Variants in GALK2 observed in about 807,000 individuals in gnomAD.
GALK2 encodes galactokinase 2.
Under a neutral mutation model 52.4 loss-of-function variants are expected in GALK2, and 36 were observed. The ratio of observed to expected loss-of-function variants is 0.69; its 90% CI spans 0.53 to 0.91. The LOEUF is 0.91. Among genes scored for constraint, GALK2 ranks in the 40% least tolerant of loss-of-function variants. GALK2 has a pLI of 0.00. For missense variants in GALK2, 579 were observed against 559.1 expected (o/e 1.04, Z -0.36); for synonymous variants, 176 against 199.1 (o/e 0.88, Z 0.98).
intron 3 of GALK2, among the ~76,000 whole-genome samples, chr15:49,350,464 A>C (rs1233355073): frequency 6.6e-6 from 1 of 152,118 alleles, no homozygotes; most frequent in Non-Finnish European, 1.5e-5. Context: ...ACTGGATCAC[A>C]TACTAATTCT....
In GALK2 at chr15:49,328,457, T is replaced by G; in HGVS notation, c.*298T>G. 4 of 1,507,876 alleles carry G rather than the reference T, an allele frequency of 2.7e-6. No individual in the cohort carries two copies. Among genetic ancestry groups the G allele is most frequent in the Non-Finnish European group, 3.5e-6 (4 of 1,129,164 alleles). The allele number at this position is 1,507,876 out of a possible 1,614,324, so 93.4% of individuals were successfully genotyped here. A position where few individuals can be genotyped will look rare whatever the true frequency, so the allele number is the denominator to read the frequency against. ...TTTAAAGATGAATGGTAAAACACAC[T>G]CTTAATACTGATTACATGGATTGGA... On this transcript the variant is annotated 3_prime_UTR_variant, in exon 10 of 10. Transcript: ENST00000560031.
At chr15:49,245,599 A>G (rs1201784871) in intron 5 of GALK2, among the ~76,000 whole-genome samples, 2 of 152,164 alleles carry the variant, frequency 1.3e-5, no homozygotes, top group East Asian at 1.9e-4. Flanking sequence ...GACCAAATCA[A>G]TGGCCTAGGG....
intron 8 of GALK2, among the ~76,000 whole-genome samples, chr15:49,293,370 C>T (rs778887441): frequency 1.3e-5 from 2 of 152,224 alleles, no homozygotes; most frequent in African/African-American, 2.4e-5. Context: ...CTAACACTGT[C>T]GATCCAATTT....
At position 49,265,050 on chromosome 15, in the gene GALK2, C is replaced by G. The variant is rs540536882; in HGVS notation, c.505-16937C>G. 1.2e-4 allele frequency among the ~76,000 whole-genome samples: 19 copies of G among 152,310 alleles called. No homozygotes were observed. In the East Asian group the frequency reaches 1.9e-3, roughly 15 times the overall value. On this transcript the variant is annotated intron_variant, in intron 5 of 9. Coordinates refer to ENST00000560031, the MANE Select transcript of GALK2 (RefSeq NM_002044.4). ...TCAGGGACCCACTTGAGGAGGCAGT[C>G]TGCCCATTCTCAGATCTCCAGCTGC...
chr15:49,263,973 C>T (rs1157103927), intron 5 of GALK2, among the ~76,000 whole-genome samples: 1 of 151,842 alleles, frequency 6.6e-6, no homozygotes, highest in Non-Finnish European at 1.5e-5. Flanking sequence ...TTGAGGGTAA[C>T]CCGACCTTTC....
chr15:49,334,295 ATAAAGT>A (rs753452739), downstream of GALK2: 1,001 of 957,214 alleles, frequency 1.0e-3, 1 homozygote, highest in South Asian at 1.3e-3. Context: ...GCTTTTCCCT[ATAAAGT>A]TAAAGTTTGA....
At position 49,297,835 on chromosome 15, in the gene GALK2, G is replaced by A. The variant is rs190451838; in HGVS notation, c.967+5298G>A. Among the ~76,000 whole-genome samples the A allele has an allele frequency of 2.5e-3, 383 of 152,210 alleles. 5 individuals carry two copies. Among genetic ancestry groups the A allele is most frequent in the African/African-American group, 8.7e-3 (361 of 41,550 alleles). On this transcript the variant is annotated intron_variant, in intron 8 of 9. Transcript: ENST00000560031. Reference sequence around the variant, plus strand: ...TTGGTTACTGTAGCCTTGTAGTATAGTTTAAAGTTGGGTGGTATAATGGCT... The same window carrying A: ...TTGGTTACTGTAGCCTTGTAGTATAATTTAAAGTTGGGTGGTATAATGGCT...
intron 5 of GALK2, among the ~76,000 whole-genome samples, chr15:49,255,723 G>A (rs1233087281): frequency 6.6e-6 from 1 of 152,022 alleles, no homozygotes; most frequent in Non-Finnish European, 1.5e-5. Context: ...CTTTATAAAG[G>A]TGGAGTTTTT....
upstream of GALK2, among the ~76,000 whole-genome samples, chr15:49,169,767 A>G (rs2084946455): frequency 6.6e-6 from 1 of 152,206 alleles, no homozygotes; most frequent in African/African-American, 2.4e-5. Context: ...ATGCAAATCT[A>G]TTTAAATCAA....
At chr15:49,263,354 G>C (rs1421857696) in intron 5 of GALK2, among the ~76,000 whole-genome samples, 5 of 107,044 alleles carry the variant, frequency 4.7e-5, no homozygotes, top group Non-Finnish European at 9.6e-5. Context: ...GATCTTTGTT[G>C]GTTTAAAGTC....
chr15:49,337,823 T>A (rs753278507), intron 3 of GALK2, among the ~76,000 whole-genome samples: 18 of 152,188 alleles, frequency 1.2e-4, no homozygotes, highest in Non-Finnish European at 2.2e-4. Flanking sequence ...TCCAGCTTCA[T>A]CCATGTCCCT....
In GALK2 at chr15:49,193,336, G is replaced by C. The variant is rs114278659; in HGVS notation, c.54-7826G>C. Among the ~76,000 whole-genome samples the C allele has an allele frequency of 5.9e-3, 891 of 151,000 alleles. 15 individuals carry two copies. Among genetic ancestry groups the C allele is most frequent in the African/African-American group, 0.021 (858 of 41,206 alleles). ...TACACATTTTTCTATCAAGGCTTTG[G>C]TCTTTTTCACATGGTTTTTAAGAGG... On this transcript the variant is annotated intron_variant, in intron 1 of 9. Coordinates refer to ENST00000560031, the MANE Select transcript of GALK2 (RefSeq NM_002044.4).
intron 8 of GALK2, among the ~76,000 whole-genome samples, chr15:49,295,520 A>G (rs573807202): frequency 1.3e-5 from 2 of 152,184 alleles, no homozygotes; most frequent in East Asian, 3.8e-4. Flanking sequence ...TGACTATGAA[A>G]TGATTTTAAA....
At chr15:49,182,157 A>G (rs1043786962) in intron 1 of GALK2, among the ~76,000 whole-genome samples, 1 of 152,162 alleles carries the variant, frequency 6.6e-6, no homozygotes, top group Non-Finnish European at 1.5e-5. Flanking sequence ...TACCCTTCGC[A>G]ACCTCTGGTA....
chr15:49,319,357 CAT>C (rs998829155), intron 8 of GALK2, among the ~76,000 whole-genome samples: 6 of 152,094 alleles, frequency 3.9e-5, no homozygotes, highest in Admixed American at 1.3e-4. Context: ...AGTATATGCA[CAT>C]GTGTGTTGAG....
rs148622656 is a variant in GALK2 at position 49,328,387 on chromosome 15, C to T, written c.*228C>T. On this transcript the variant is annotated 3_prime_UTR_variant, in exon 10 of 10. Transcript: ENST00000560031. ...ATTAAGAGCCAAGATCATGCTTGGACAGATCTTTTAAGAATAACTTACTGA... is the reference window on the plus strand; with the variant it reads ...ATTAAGAGCCAAGATCATGCTTGGATAGATCTTTTAAGAATAACTTACTGA... 118 of 1,429,008 alleles carry T rather than the reference C, an allele frequency of 8.3e-5. 1 individual carries two copies. In the South Asian group the frequency reaches 1.7e-3, roughly 21 times the overall value. The allele number at this position is 1,429,008 out of a possible 1,614,324, so 88.5% of individuals were successfully genotyped here.
chr15:49,276,957 C>CT (rs1567010637), intron 5 of GALK2, among the ~76,000 whole-genome samples: 8 of 25,390 alleles, frequency 3.2e-4, no homozygotes, highest in South Asian at 1.3e-3. Context: ...TTTCTAGTTT[C>CT]TTTTTTTCTT....
At chr15:49,289,743 T>G (rs1348634721) in intron 7 of GALK2, among the ~76,000 whole-genome samples, 1 of 152,182 alleles carries the variant, frequency 6.6e-6, no homozygotes, top group Non-Finnish European at 1.5e-5. Flanking sequence ...TGTTTCACTT[T>G]CCATTCCTCT....
intron 1 of GALK2, among the ~76,000 whole-genome samples, chr15:49,179,631 T>C (rs2085794184): frequency 6.7e-6 from 1 of 149,650 alleles, no homozygotes; most frequent in Admixed American, 6.8e-5. Context: ...AATACTGCTG[T>C]TCTTTTTTCT....
Sources: gnomAD v4.1 joint callset for allele counts (sites outside exome capture counted in the v4.1 genomes callset) on GRCh38, gnomAD v4.1.1 for gene constraint, MANE v1.5 for transcripts, NCBI Gene and HGNC (gene_info 2026-07-23, HGNC 2026-07-21) for gene names.